The following CAMK1G variants were observed in gnomAD, a reference collection of about 807,000 sequenced individuals.
The protein encoded by CAMK1G is calcium/calmodulin-dependent protein kinase type 1G.
In CAMK1G, 27 loss-of-function variants were observed where a neutral mutation model predicts 54.8. The observed-to-expected ratio is 0.49, with a 90% CI of 0.36 to 0.68. The LOEUF (loss-of-function observed/expected upper bound fraction) is 0.68, where lower values mean the gene tolerates loss of function less well. Ranked by LOEUF, CAMK1G falls within the 30% of genes least tolerant of loss-of-function variation. The pLI, the probability that CAMK1G is intolerant of heterozygous loss-of-function variation, is 0.00. For synonymous variants in CAMK1G, 238 were observed against 224.9 expected (o/e 1.06, Z -0.52); for missense variants, 512 against 591.0 (o/e 0.87, Z 1.39).
chr1:209,607,438 G>A (rs1184823454), intron 6 of CAMK1G, among the ~76,000 whole-genome samples: 1 of 152,136 alleles, frequency 6.6e-6, no homozygotes, highest in Non-Finnish European at 1.5e-5. Flanking sequence ...CCTCCCAGAG[G>A]CTCCCAGTCT....
At chr1:209,596,341 G>A (rs1665382240) in intron 2 of CAMK1G, among the ~76,000 whole-genome samples, 1 of 152,186 alleles carries the variant, frequency 6.6e-6, no homozygotes, top group Admixed American at 6.5e-5. Context: ...GATTTGCTAA[G>A]TGTCCCAAAA....
At chr1:209,604,632 G>A (rs1335541042) in intron 4 of CAMK1G, among the ~76,000 whole-genome samples, 1 of 152,214 alleles carries the variant, frequency 6.6e-6, no homozygotes, top group Non-Finnish European at 1.5e-5. Context: ...GGGACTAGGA[G>A]GGTGAGAGGA....
intron 6 of CAMK1G, 97 bp from the exon 7 acceptor site, chr1:209,607,761 C>T (rs1665686995): frequency 1.1e-6 from 1 of 946,564 alleles, no homozygotes; most frequent in Non-Finnish European, 1.6e-6. Flanking sequence ...ATCCCACAGT[C>T]TTCCCCAGAC....
chr1:209,586,013 T>C (rs1169094294), intron 1 of CAMK1G, among the ~76,000 whole-genome samples: 2 of 152,220 alleles, frequency 1.3e-5, no homozygotes, highest in Non-Finnish European at 2.9e-5. Flanking sequence ...CTATCCAGGA[T>C]TGTCAAACCC....
chr1:209,584,756 G>A lies in CAMK1G; in HGVS notation c.-30+984G>A, dbSNP rs938998832. Among the ~76,000 whole-genome samples the A allele has an allele frequency of 1.1e-4, 17 of 152,134 alleles. No individual in the cohort carries two copies. The South Asian group carries it at 1.2e-3, about 11-fold the overall frequency. On this transcript the variant is annotated intron_variant, in intron 1 of 12. Transcript: ENST00000361322. ...AGAGAGTCAAGCAGATTCCGCCTTA[G>A]GTAAGAAGATGATCTTTTCCAGATC...
intron 1 of CAMK1G, among the ~76,000 whole-genome samples, chr1:209,587,628 T>G (rs954711003): frequency 2.6e-5 from 4 of 152,000 alleles, no homozygotes; most frequent in Admixed American, 2.6e-4. Flanking sequence ...TAGTCCAATC[T>G]CCTCTGTTCA....
intron 1 of CAMK1G, among the ~76,000 whole-genome samples, chr1:209,592,459 G>A (rs1201574275): frequency 1.3e-5 from 2 of 151,876 alleles, no homozygotes; most frequent in Non-Finnish European, 2.9e-5. Flanking sequence ...AGCCGGCCCT[G>A]GGGAGGTTTT....
chr1:209,608,934 A>C, intron 7 of CAMK1G, 46 bp from the exon 8 acceptor site: 1 of 1,609,342 alleles, frequency 6.2e-7, no homozygotes, highest in Non-Finnish European at 8.5e-7. Context: ...TGGCTCAGGG[A>C]GGACAGGTTT....
chr1:209,598,801 A>C lies in CAMK1G; in HGVS notation c.93-1182A>C, dbSNP rs189289185. 3.8e-3 allele frequency among the ~76,000 whole-genome samples: 583 copies of C among 152,266 alleles called. 1 individual carries two copies. Among genetic ancestry groups the C allele is most frequent in the Non-Finnish European group, 5.2e-3 (356 of 68,034 alleles). ...TGGAAATAATTTCAAACTTAGAAAAACGTTTCAAAAATAAGAATAACGCCA... is the reference window on the plus strand; with the variant it reads ...TGGAAATAATTTCAAACTTAGAAAACCGTTTCAAAAATAAGAATAACGCCA... On this transcript the variant is annotated intron_variant, in intron 2 of 12. Coordinates refer to ENST00000361322, the MANE Select transcript of CAMK1G (RefSeq NM_020439.3).
intron 8 of CAMK1G, 84 bp from the exon 9 acceptor site, chr1:209,609,758 ATGCATTCAC>A: frequency 1.6e-6 from 2 of 1,215,646 alleles, no homozygotes; most frequent in Non-Finnish European, 2.4e-6. Context: ...TCAGCTAAAG[ATGCATTCAC>A]TGCCACCCAC....
chr1:209,592,458 T>C (rs935289050), intron 1 of CAMK1G, among the ~76,000 whole-genome samples: 2 of 151,580 alleles, frequency 1.3e-5, no homozygotes, highest in Non-Finnish European at 2.9e-5. Context: ...GAGCCGGCCC[T>C]GGGGAGGTTT....
At chr1:209,607,497 G>C (rs1336354010) in intron 6 of CAMK1G, among the ~76,000 whole-genome samples, 1 of 152,160 alleles carries the variant, frequency 6.6e-6, no homozygotes, top group Admixed American at 6.5e-5. Context: ...TCTGAAGGGA[G>C]AGAGATCACA....
chr1:209,584,256 T>C (rs1332100520), intron 1 of CAMK1G, among the ~76,000 whole-genome samples: 1 of 152,108 alleles, frequency 6.6e-6, no homozygotes, highest in Non-Finnish European at 1.5e-5. Flanking sequence ...CTTTGGGTTA[T>C]TGGGAGGATT....
At chr1:209,595,532 G>T (rs919457209) in intron 2 of CAMK1G, among the ~76,000 whole-genome samples, 1 of 137,126 alleles carries the variant, frequency 7.3e-6, no homozygotes, top group Non-Finnish European at 1.6e-5. Flanking sequence ...GATCTGTGCC[G>T]GTTTGTGGGT....
intron 3 of CAMK1G, among the ~76,000 whole-genome samples, 192 bp downstream of exon 3, chr1:209,600,303 G>A (rs1665496735): frequency 7.5e-6 from 1 of 132,906 alleles, no homozygotes; most frequent in African/African-American, 2.7e-5. Context: ...TTTTTTTTTG[G>A]CAACAAATTG....
At chr1:209,608,906 T>C (rs1571786154) in intron 7 of CAMK1G, 74 bp from the exon 8 acceptor site, 25 of 1,591,896 alleles carry the variant, frequency 1.6e-5, no homozygotes, top group East Asian at 2.2e-5. Flanking sequence ...CAGTGGGAGC[T>C]TGGGGGAGCA....
chr1:209,612,940 G>C, intron 12 of CAMK1G, 28 bp downstream of exon 12: 1 of 1,197,288 alleles, frequency 8.4e-7, no homozygotes, highest in South Asian at 1.2e-5. Flanking sequence ...GTGAGGCTTG[G>C]GGAGAGTTTC....
At chr1:209,584,356 T>A (rs944057005) in intron 1 of CAMK1G, among the ~76,000 whole-genome samples, 8 of 151,972 alleles carry the variant, frequency 5.3e-5, no homozygotes, top group African/African-American at 1.9e-4. Context: ...CCTGGAGGAG[T>A]CTGTGGACAG....
At position 209,611,992 on chromosome 1, in the gene CAMK1G, A is replaced by G. The variant is rs1226406946; in HGVS notation, c.1116A>G (p.Gln372=). ...DHSVALPALT[Q]LPCQHGRRPT... ...GTGTAGCACTCCCTGCCCTGACCCA[A>G]TTACCCTGCCAGCATGGCCGCCGGC... Residue 372 remains glutamine (Q), a synonymous_variant, in exon 11 of 13, where the codon CAA becomes CAG. Coordinates refer to ENST00000361322, the MANE Select transcript of CAMK1G (RefSeq NM_020439.3). 1 of 1,614,164 alleles carries G rather than the reference A, an allele frequency of 6.2e-7. No homozygotes were observed. The highest frequency in any genetic ancestry group is 1.3e-5 in the African/African-American group (1 of 75,030).
Sources: allele counts gnomAD v4.1 joint callset (sites outside exome capture counted in the v4.1 genomes callset), GRCh38; gene constraint gnomAD v4.1.1; transcripts MANE v1.5; gene names NCBI Gene and HGNC (gene_info 2026-07-23, HGNC 2026-07-21).